PALS2: variants seen among roughly 807,000 people sequenced by gnomAD.
PALS2 encodes the protein protein PALS2.
PALS2 carries 27 observed loss-of-function variants against 61.6 expected under a neutral mutation model. The ratio of observed to expected loss-of-function variants is 0.44; its 90% CI spans 0.32 to 0.60. PALS2 has a LOEUF of 0.60. Ranked by LOEUF, PALS2 falls within the 20% of genes least tolerant of loss-of-function variation. The pLI is 0.05. For missense variants in PALS2, 554 were observed against 639.4 expected, an observed-to-expected ratio of 0.87 and a Z score of 1.44; for synonymous variants, 236 against 218.6, an observed-to-expected ratio of 1.08 and a Z score of -0.70.
intron 1 of PALS2, among the ~76,000 whole-genome samples, chr7:24,607,078 G>A (rs745540851): frequency 6.6e-6 from 1 of 152,096 alleles, no homozygotes; most frequent in Non-Finnish European, 1.5e-5. Flanking sequence ...TCAGATTTTT[G>A]GATTAGAGAT....
chr7:24,669,316 A>G (rs1331481808), intron 9 of PALS2, among the ~76,000 whole-genome samples: 2 of 152,240 alleles, frequency 1.3e-5, no homozygotes, highest in African/African-American at 4.8e-5. Context: ...TCATGTCAGA[A>G]GTATGCTTGA....
intron 1 of PALS2, among the ~76,000 whole-genome samples, chr7:24,582,045 A>C (rs1469674673): frequency 6.6e-6 from 1 of 152,168 alleles, no homozygotes; most frequent in Non-Finnish European, 1.5e-5. Context: ...CCAGCTTTGG[A>C]GTGAGAACTT....
rs1319055199 is a variant in PALS2 at position 24,691,836 on chromosome 7, A to T, written c.*4222A>T. On this transcript the variant is annotated 3_prime_UTR_variant, in exon 12 of 12. Coordinates refer to ENST00000222644, the MANE Select transcript of PALS2 (RefSeq NM_001303037.2). Reference sequence around the variant, plus strand: ...TTGCTGTGAGAATTCATGTAATAACATCTGTAATGTATTTGGAATTTTTGG... The same window carrying T: ...TTGCTGTGAGAATTCATGTAATAACTTCTGTAATGTATTTGGAATTTTTGG... 1 of 152,090 alleles carries T rather than the reference A, an allele frequency of 6.6e-6. No homozygotes were observed. Among genetic ancestry groups the T allele is most frequent in the Non-Finnish European group, 1.5e-5 (1 of 67,962 alleles). The allele number at this position is 152,090 out of a possible 1,614,324, so 9.4% of individuals were successfully genotyped here. A position where few individuals can be genotyped will look rare whatever the true frequency, so the allele number is the denominator to read the frequency against.
At chr7:24,651,203 G>T (rs1010510182) in intron 5 of PALS2, among the ~76,000 whole-genome samples, 1 of 152,104 alleles carries the variant, frequency 6.6e-6, no homozygotes, top group African/African-American at 2.4e-5. Flanking sequence ...CTAATTTTAG[G>T]TAAACTAGGT....
In PALS2 at chr7:24,663,532, T is replaced by C. The variant is rs142709342; in HGVS notation, c.652-58T>C. The C allele has an allele frequency of 1.8e-3, 2,637 of 1,456,144 alleles. 34 individuals are homozygous for C. Among genetic ancestry groups the C allele is most frequent in the East Asian group, 5.5e-3 (231 of 42,098 alleles). 90.2% of individuals were successfully genotyped at this position (1,456,144 alleles called of 1,614,324 possible). On this transcript the variant is annotated intron_variant, in intron 5 of 11. Coordinates refer to ENST00000222644, the MANE Select transcript of PALS2 (RefSeq NM_001303037.2). ...ATCAGAGTGGTTTGACAAGGATTTTTTAAATTCAGTGGCAAGTGATACAAC... is the reference window on the plus strand; with the variant it reads ...ATCAGAGTGGTTTGACAAGGATTTTCTAAATTCAGTGGCAAGTGATACAAC...
chr7:24,595,511 T>C (rs1031503045), intron 1 of PALS2, among the ~76,000 whole-genome samples: 2 of 100,470 alleles, frequency 2.0e-5, no homozygotes, highest in African/African-American at 1.1e-4. Flanking sequence ...ATATATATAA[T>C]ATATAATATA....
chr7:24,631,918 C>T (rs1022512159), intron 2 of PALS2, among the ~76,000 whole-genome samples: 6 of 152,138 alleles, frequency 3.9e-5, no homozygotes, highest in African/African-American at 1.4e-4. Flanking sequence ...GTAAACATAA[C>T]TTTTATATAC....
chr7:24,647,010 T>A (rs1785868079), intron 3 of PALS2, among the ~76,000 whole-genome samples: 1 of 152,086 alleles, frequency 6.6e-6, no homozygotes, highest in Non-Finnish European at 1.5e-5. Context: ...CTTCATCATT[T>A]CTAATTGTGT....
chr7:24,632,462 C>G (rs1562627425), intron 2 of PALS2, among the ~76,000 whole-genome samples: 1 of 151,966 alleles, frequency 6.6e-6, no homozygotes, highest in Non-Finnish European at 1.5e-5. Context: ...TGCAGTGGTG[C>G]CATCTTGGCT....
intron 2 of PALS2, among the ~76,000 whole-genome samples, chr7:24,634,402 T>C (rs566553562): frequency 3.9e-5 from 6 of 152,216 alleles, no homozygotes; most frequent in African/African-American, 1.4e-4. Flanking sequence ...GGCTAATTTT[T>C]TGTATTTTTA....
At chr7:24,673,391 A>G (rs1562657919) in intron 9 of PALS2, among the ~76,000 whole-genome samples, 1 of 152,140 alleles carries the variant, frequency 6.6e-6, no homozygotes, top group Non-Finnish European at 1.5e-5. Context: ...TCTAGCTTTG[A>G]TATGGTAATT....
rs563973559 is a variant in PALS2 at position 24,574,006 on chromosome 7, C to G, written c.-3+413C>G. On this transcript the variant is annotated intron_variant, in intron 1 of 11. Coordinates refer to ENST00000222644, the MANE Select transcript of PALS2 (RefSeq NM_001303037.2). ...GCGCGGGGCTTGGGTGCCTACACCT[C>G]TGCGGCGGGAGTCGCGGTGGAGCCT... The G allele has an allele frequency of 2.0e-3, 302 of 152,318 alleles. 1 individual carries two copies. Among genetic ancestry groups the G allele is most frequent in the African/African-American group, 6.9e-3 (285 of 41,560 alleles). The allele number at this position is 152,318 out of a possible 1,614,324, so 9.4% of individuals were successfully genotyped here. A position where few individuals can be genotyped will look rare whatever the true frequency, so the allele number is the denominator to read the frequency against.
At chr7:24,680,297 G>T in intron 10 of PALS2, 95 bp from the exon 11 acceptor site, 1 of 1,269,962 alleles carries the variant, frequency 7.9e-7, no homozygotes, top group East Asian at 2.4e-5. Context: ...TTAATTCATA[G>T]AACAAGTGCA....
intron 11 of PALS2, among the ~76,000 whole-genome samples, chr7:24,681,391 C>A (rs1382692726): frequency 6.6e-6 from 1 of 152,076 alleles, no homozygotes; most frequent in Non-Finnish European, 1.5e-5. Context: ...TCTTTGATAT[C>A]ATGTCATCTG....
At chr7:24,663,375 A>C (rs1786838790) in intron 5 of PALS2, 2 of 361,274 alleles carry the variant, frequency 5.5e-6, no homozygotes, top group African/African-American at 4.3e-5. Context: ...TTAAAGTTAG[A>C]TATTAAAGTA....
chr7:24,653,723 G>A (rs1345215843), intron 5 of PALS2, among the ~76,000 whole-genome samples: 1 of 152,156 alleles, frequency 6.6e-6, no homozygotes, highest in African/African-American at 2.4e-5. Context: ...AGTAGAAATA[G>A]GCAATATCTC....
intron 1 of PALS2, among the ~76,000 whole-genome samples, chr7:24,595,922 G>A (rs1783507656): frequency 6.6e-6 from 1 of 151,754 alleles, no homozygotes; most frequent in South Asian, 2.1e-4. Flanking sequence ...ATGAGAGATG[G>A]GAGATGAACT....
chr7:24,670,200 A>T (rs1787226561), intron 9 of PALS2, among the ~76,000 whole-genome samples: 1 of 152,228 alleles, frequency 6.6e-6, no homozygotes, highest in Admixed American at 6.5e-5. Flanking sequence ...TTTCTTGAAC[A>T]GCCCTTTCCC....
intron 9 of PALS2, 112 bp downstream of exon 9, chr7:24,668,772 T>C (rs762001838): frequency 2.3e-6 from 3 of 1,308,508 alleles, no homozygotes; most frequent in Non-Finnish European, 3.2e-6. Flanking sequence ...AAGTTTTCTT[T>C]ATGGCAGTGA....
Sources: allele counts gnomAD v4.1 joint callset (sites outside exome capture counted in the v4.1 genomes callset), GRCh38; gene constraint gnomAD v4.1.1; transcripts MANE v1.5; gene names NCBI Gene and HGNC (gene_info 2026-07-23, HGNC 2026-07-21).